The following TMX3 variants were observed in gnomAD, a reference collection of about 807,000 sequenced individuals.
The protein encoded by TMX3 is thioredoxin related transmembrane protein 3.
In TMX3, 40 loss-of-function variants were observed where a neutral mutation model predicts 64.4. The observed-to-expected ratio is 0.62, with a 90% confidence interval of 0.48 to 0.81. The LOEUF (loss-of-function observed/expected upper bound fraction) is 0.81, where lower values mean the gene tolerates loss of function less well. Ranked by LOEUF, TMX3 falls within the 30% of genes least tolerant of loss-of-function variation. The pLI, the probability that TMX3 is intolerant of heterozygous loss-of-function variation, is 0.00. For synonymous variants in TMX3, 189 were observed against 175.7 expected (o/e 1.08, Z -0.60); for missense variants, 497 against 534.5 (o/e 0.93, Z 0.69).
chr18:68,708,293 A>G (rs1156789680), intron 4 of TMX3, among the ~76,000 whole-genome samples: 4 of 152,106 alleles, frequency 2.6e-5, no homozygotes, highest in Non-Finnish European at 5.9e-5. Context: ...TCCAGCACTA[A>G]TATCTCACCT....
At chr18:68,679,073 C>T (rs1248365090) in intron 15 of TMX3, among the ~76,000 whole-genome samples, 1 of 151,928 alleles carries the variant, frequency 6.6e-6, no homozygotes, top group Non-Finnish European at 1.5e-5. Context: ...AAGTGACTTC[C>T]CAGCACACAT....
intron 9 of TMX3, among the ~76,000 whole-genome samples, chr18:68,689,347 T>C (rs1053588347): frequency 2.0e-5 from 3 of 152,038 alleles, no homozygotes; most frequent in African/African-American, 7.2e-5. Flanking sequence ...AAACCTGATA[T>C]CTGTTTATAT....
chr18:68,706,659 T>C (rs1171072538), intron 4 of TMX3, among the ~76,000 whole-genome samples: 1 of 152,162 alleles, frequency 6.6e-6, no homozygotes, highest in East Asian at 1.9e-4. Context: ...GAGGTATCTA[T>C]GAAACAGCCA....
At chr18:68,705,557 T>G (rs1422829084) in intron 4 of TMX3, among the ~76,000 whole-genome samples, 10 of 152,190 alleles carry the variant, frequency 6.6e-5, no homozygotes, top group Non-Finnish European at 4.4e-5. Context: ...GATGTCACAC[T>G]TAGGTTGGAG....
intron 13 of TMX3, among the ~76,000 whole-genome samples, chr18:68,682,586 AAT>A (rs1163296541): frequency 6.6e-6 from 1 of 152,190 alleles, no homozygotes; most frequent in Non-Finnish European, 1.5e-5. Context: ...TTTTCTATTT[AAT>A]AGTTATATTG....
chr18:68,680,906 A>G, intron 14 of TMX3, 75 bp downstream of exon 14: 2 of 1,368,928 alleles, frequency 1.5e-6, no homozygotes, highest in Non-Finnish European at 1.9e-6. Context: ...TTTCAGAATC[A>G]CAAGTAAAGA....
chr18:68,715,012 G>A lies in TMX3; in HGVS notation c.-31C>T. On this transcript the variant is annotated 5_prime_UTR_variant, in exon 1 of 16. Transcript: ENST00000299608. ...CCCGGGAGAGCTGCAGAAGCTGACTGTGCAAAAGAGGGATAAAGACACTGG... is the reference window on the plus strand; with the variant it reads ...CCCGGGAGAGCTGCAGAAGCTGACTATGCAAAAGAGGGATAAAGACACTGG... 1 of 1,557,670 alleles carries A rather than the reference G, an allele frequency of 6.4e-7. No individual in the cohort carries two copies. The highest frequency in any genetic ancestry group is 2.4e-5 in the East Asian group (1 of 41,170).
intron 8 of TMX3, among the ~76,000 whole-genome samples, chr18:68,694,973 GA>G (rs897309921): frequency 2.0e-5 from 3 of 150,276 alleles, no homozygotes; most frequent in Non-Finnish European, 3.0e-5. Flanking sequence ...AGATTCAAAA[GA>G]AAAAAAAAGA....
At chr18:68,684,734 T>A (rs929878971) in intron 10 of TMX3, among the ~76,000 whole-genome samples, 16 of 152,282 alleles carry the variant, frequency 1.1e-4, no homozygotes, top group African/African-American at 3.6e-4. Context: ...AGTAAATATG[T>A]AATAATTTAT....
intron 7 of TMX3, chr18:68,697,607 T>A (rs923519892): frequency 5.8e-6 from 2 of 346,152 alleles, no homozygotes; most frequent in Admixed American, 4.4e-5. Context: ...TAGGAAGATA[T>A]GTGTGTATAC....
intron 1 of TMX3, 65 bp downstream of exon 1, chr18:68,714,871 C>T: frequency 6.5e-7 from 1 of 1,545,666 alleles, no homozygotes; most frequent in East Asian, 2.5e-5. Flanking sequence ...GGGTCCAATC[C>T]CGGCCCCACG....
chr18:68,685,749 A>G (rs929457182), intron 10 of TMX3, among the ~76,000 whole-genome samples: 1 of 152,180 alleles, frequency 6.6e-6, no homozygotes, highest in Non-Finnish European at 1.5e-5. Flanking sequence ...TCATCAAATA[A>G]ATGTCCCATT....
Position 68,685,493 on chromosome 18 carries a change from CTTCT to C in TMX3, c.737-1012_737-1009del, listed in dbSNP as rs548298865. The stretch of plus-strand genomic sequence containing the variant: ...TGCTATTCTTTTTTTGTATTATATG[CTTCT>C]TTAATTTTCAAATGGTTCGTGAGTT... On this transcript the variant is annotated intron_variant, in intron 10 of 15. Transcript: ENST00000299608. 1.4e-4 allele frequency among the ~76,000 whole-genome samples: 21 copies of C among 152,244 alleles called. No individual in the cohort carries two copies. In the East Asian group the frequency reaches 3.9e-3, roughly 28 times the overall value.
At chr18:68,680,718 CCAT>C (rs1913336819) in intron 14 of TMX3, among the ~76,000 whole-genome samples, 1 of 152,126 alleles carries the variant, frequency 6.6e-6, no homozygotes, top group African/African-American at 2.4e-5. Context: ...CTCCCCATCA[CCAT>C]GACAACCAAA....
intron 2 of TMX3, among the ~76,000 whole-genome samples, chr18:68,712,274 C>A (rs563083245): frequency 5.1e-4 from 78 of 152,310 alleles, no homozygotes; most frequent in African/African-American, 1.8e-3. Flanking sequence ...CATGTTCTAT[C>A]TGCTGAGAAT....
At chr18:68,710,908 T>A (rs550944011) in intron 3 of TMX3, among the ~76,000 whole-genome samples, 43 of 152,330 alleles carry the variant, frequency 2.8e-4, no homozygotes, top group African/African-American at 1.0e-3. Flanking sequence ...TCAACTATCA[T>A]AAGGTTTAAA....
chr18:68,691,978 T>C (rs2145054116), intron 8 of TMX3, among the ~76,000 whole-genome samples: 1 of 152,090 alleles, frequency 6.6e-6, no homozygotes. Context: ...ATGTTAATAC[T>C]GAAAATAATG....
At chr18:68,701,535 C>T (rs2030062885) in intron 5 of TMX3, 7 of 1,159,868 alleles carry the variant, frequency 6.0e-6, no homozygotes, top group South Asian at 1.4e-5. Context: ...AAGCAAAACA[C>T]GTGAATTAGC....
chr18:68,715,079 C>T lies in TMX3; in HGVS notation c.-98G>A. 6.5e-7 allele frequency: 1 copy of T among 1,540,106 alleles called. No individual in the cohort carries two copies. The highest frequency in any genetic ancestry group is 2.5e-5 in the East Asian group (1 of 40,286). On this transcript the variant is annotated 5_prime_UTR_variant, in exon 1 of 16. Transcript: ENST00000299608. ...GCCCGGAAAGGGAAACGGAGCCGAC[C>T]CGGAGCGGAAGAGAAGCACCGCGCT...
Sources: allele counts gnomAD v4.1 joint callset (sites outside exome capture counted in the v4.1 genomes callset), GRCh38; gene constraint gnomAD v4.1.1; transcripts MANE v1.5; gene names NCBI Gene and HGNC (gene_info 2026-07-23, HGNC 2026-07-21).